The following COL25A1 variants were observed in gnomAD, a reference collection of about 807,000 sequenced individuals.
COL25A1 encodes the protein collagen type XXV alpha 1 chain, also known as collagen alpha-1(XXV) chain.
In COL25A1, 103 loss-of-function variants were observed where a neutral mutation model predicts 128.4. The observed-to-expected ratio is 0.80, with a 90% CI of 0.68 to 0.94. The LOEUF is 0.94. COL25A1 is among the 40% of genes least tolerant of loss of function. The pLI is 0.00. For missense variants in COL25A1, 745 were observed against 840.0 expected (o/e 0.89, Z 1.40); for synonymous variants, 279 against 277.2 (o/e 1.01, Z -0.06).
At chr4:109,130,904 A>G (rs995790411) in intron 3 of COL25A1, among the ~76,000 whole-genome samples, 5 of 152,188 alleles carry the variant, frequency 3.3e-5, no homozygotes, top group Admixed American at 1.3e-4. Context: ...TTCATATACC[A>G]AAACAGAAAA....
chr4:108,843,215 G>A (rs1350674661), intron 30 of COL25A1, among the ~76,000 whole-genome samples: 1 of 149,462 alleles, frequency 6.7e-6, no homozygotes, highest in Non-Finnish European at 1.5e-5. Flanking sequence ...AAGGAAGAAA[G>A]AAGAAGAAAA....
At chr4:109,239,070 T>G (rs1301262149) in intron 3 of COL25A1, among the ~76,000 whole-genome samples, 2 of 151,998 alleles carry the variant, frequency 1.3e-5, no homozygotes, top group African/African-American at 4.8e-5. Flanking sequence ...AGGTTTCTAC[T>G]GATGGAAATC....
At position 109,050,186 on chromosome 4, in the gene COL25A1, T is replaced by A. The variant is rs762115166; in HGVS notation, c.368-7A>T. 1.9e-6 allele frequency: 3 copies of A among 1,604,858 alleles called. No individual in the cohort carries two copies. Among genetic ancestry groups the A allele is most frequent in the Non-Finnish European group, 2.6e-6 (3 of 1,174,388 alleles). On this transcript the variant is annotated splice_region_variant and splice_polypyrimidine_tract_variant and intron_variant, in intron 3 of 37. Transcript: ENST00000399132. ...CCTCGTTTCCCTGGAGGGCCTGAAA[T>A]ACAAAGGATAATTTTTTTAGTGTAG...
chr4:108,879,609 G>T (rs578035140), intron 19 of COL25A1, among the ~76,000 whole-genome samples: 1 of 151,698 alleles, frequency 6.6e-6, no homozygotes, highest in South Asian at 2.1e-4. Context: ...CACCACACTC[G>T]GGTATTTTTG....
intron 31 of COL25A1, among the ~76,000 whole-genome samples, chr4:108,840,511 G>A (rs1734325973): frequency 6.6e-6 from 1 of 152,134 alleles, no homozygotes; most frequent in Non-Finnish European, 1.5e-5. Flanking sequence ...GCCTGACTGG[G>A]AAAAGGAAAC....
At chr4:109,108,104 T>C (rs989906489) in intron 3 of COL25A1, among the ~76,000 whole-genome samples, 10 of 152,210 alleles carry the variant, frequency 6.6e-5, no homozygotes, top group African/African-American at 9.6e-5. Context: ...TATGTATACA[T>C]GTGCCATGTT....
intron 3 of COL25A1, among the ~76,000 whole-genome samples, chr4:109,204,135 T>C (rs1776795251): frequency 6.6e-6 from 1 of 152,172 alleles, no homozygotes; most frequent in Non-Finnish European, 1.5e-5. Context: ...GTTGCTTCTA[T>C]AAAACAGAAA....
At position 109,283,375 on chromosome 4, in the gene COL25A1, T is replaced by C. The variant is rs184846587; in HGVS notation, c.367+17208A>G. Among the ~76,000 whole-genome samples, 4 of 152,250 alleles carry C rather than the reference T, an allele frequency of 2.6e-5. No individual in the cohort carries two copies. The East Asian group carries it at 5.8e-4, about 22-fold the overall frequency. On this transcript the variant is annotated intron_variant, in intron 3 of 37. Coordinates refer to ENST00000399132, the MANE Select transcript of COL25A1 (RefSeq NM_198721.4). ...AATCCTCCTGCCTCAGCCCACCAAG[T>C]AGCTGGGACTACCGGCATGTGCCAC... is the stretch of plus-strand genomic sequence containing the variant.
At chr4:109,135,072 C>T (rs1259941026) in intron 3 of COL25A1, among the ~76,000 whole-genome samples, 1 of 148,540 alleles carries the variant, frequency 6.7e-6, no homozygotes, top group Non-Finnish European at 1.5e-5. Flanking sequence ...TCAGAAACAC[C>T]CAAGTAGAGA....
At chr4:108,997,101 C>T (rs1006449565) in intron 6 of COL25A1, among the ~76,000 whole-genome samples, 3 of 152,020 alleles carry the variant, frequency 2.0e-5, no homozygotes, top group South Asian at 2.1e-4. Context: ...TCAAAGGCTA[C>T]CAGAAGGCAA....
chr4:109,172,369 T>C (rs1773667201), intron 3 of COL25A1, among the ~76,000 whole-genome samples: 1 of 152,066 alleles, frequency 6.6e-6, no homozygotes, highest in African/African-American at 2.4e-5. Context: ...AAGAAGAGAA[T>C]CCCAAGGGGT....
intron 3 of COL25A1, among the ~76,000 whole-genome samples, chr4:109,140,081 A>C (rs1367229421): frequency 2.7e-5 from 4 of 150,732 alleles, no homozygotes; most frequent in Non-Finnish European, 4.4e-5. Flanking sequence ...ATTGTTGGAC[A>C]TTTGGGTTGG....
chr4:108,945,059 A>G (rs1748563110), intron 8 of COL25A1, among the ~76,000 whole-genome samples: 1 of 152,194 alleles, frequency 6.6e-6, no homozygotes. Flanking sequence ...ACTGGGGTAA[A>G]AGTAACCCTC....
Position 108,817,959 on chromosome 4 carries a change from T to C in COL25A1, c.1924-524A>G, listed in dbSNP as rs145465137. Among the ~76,000 whole-genome samples, 318 of 152,276 alleles carry C rather than the reference T, an allele frequency of 2.1e-3. 1 individual carries two copies. Among genetic ancestry groups the C allele is most frequent in the Middle Eastern group, 6.8e-3 (2 of 294 alleles). On this transcript the variant is annotated intron_variant, in intron 36 of 37. Coordinates refer to ENST00000399132, the MANE Select transcript of COL25A1 (RefSeq NM_198721.4). ...AGTAAATACAGTAGAACATACTCAA[T>C]TGAATTAGAGGACAGGCAGCCTATC...
At chr4:109,215,325 T>G (rs1226044168) in intron 3 of COL25A1, among the ~76,000 whole-genome samples, 3 of 152,186 alleles carry the variant, frequency 2.0e-5, no homozygotes, top group African/African-American at 7.2e-5. Flanking sequence ...AAATCTGGTT[T>G]ATACCAGCTT....
chr4:109,021,160 A>G (rs1007197025), intron 5 of COL25A1, among the ~76,000 whole-genome samples: 1 of 152,200 alleles, frequency 6.6e-6, no homozygotes, highest in African/African-American at 2.4e-5. Flanking sequence ...TTTATGTCAT[A>G]TCATGTCTGC....
At chr4:109,163,725 C>G (rs1772802920) in intron 3 of COL25A1, among the ~76,000 whole-genome samples, 1 of 152,202 alleles carries the variant, frequency 6.6e-6, no homozygotes, top group South Asian at 2.1e-4. Flanking sequence ...GAACTACTCC[C>G]AATTCCTCAT....
intron 3 of COL25A1, among the ~76,000 whole-genome samples, chr4:109,218,344 CTGGTTTTT>C (rs1393760128): frequency 2.7e-5 from 2 of 75,186 alleles, no homozygotes; most frequent in African/African-American, 1.3e-4. Context: ...GAATCAATTG[CTGGTTTTT>C]TGGGGTTTTT....
At chr4:109,105,025 A>C (rs2126028393) in intron 3 of COL25A1, among the ~76,000 whole-genome samples, 1 of 152,324 alleles carries the variant, frequency 6.6e-6, no homozygotes, top group South Asian at 2.1e-4. Flanking sequence ...ATGATATTCT[A>C]CCTTGGATTG....
Sources: allele counts gnomAD v4.1 joint callset (sites outside exome capture counted in the v4.1 genomes callset), GRCh38; gene constraint gnomAD v4.1.1; transcripts MANE v1.5; gene names NCBI Gene and HGNC (gene_info 2026-07-23, HGNC 2026-07-21).